Variants in CACNB1 observed in about 807,000 individuals in gnomAD.
CACNB1 encodes the protein voltage-dependent L-type calcium channel subunit beta-1.
CACNB1 carries 29 observed loss-of-function variants against 71.6 expected under a neutral mutation model. That is an observed-to-expected ratio of 0.40 (90% CI 0.30 to 0.55). The LOEUF is 0.55. CACNB1 is among the 20% of genes least tolerant of loss of function. The pLI, the probability that CACNB1 is intolerant of heterozygous loss-of-function variation, is 0.38. For missense variants in CACNB1, 623 were observed against 801.8 expected (o/e 0.78, Z 2.69); for synonymous variants, 300 against 319.6 (o/e 0.94, Z 0.65).
chr17:39,194,945 C>G lies in CACNB1; in HGVS notation c.110G>C (p.Arg37Pro). ...CGTGCTCCCATCTGACCGTTTGAAT[C>G]GCCCTTTCCTCTTGCTGTATTTGCC... ...PQGKYSKRKG[R>P]FKRSDGSTSS... Residue 37 changes from arginine to proline, a missense_variant, in exon 2 of 14, where the codon CGA becomes CCA. By Grantham distance (103) the Arg-to-Pro change is moderately radical. Coordinates refer to ENST00000394303, the MANE Select transcript of CACNB1 (RefSeq NM_000723.5). This position sits in a 1 kb window ranked among gnomAD's most constrained non-coding sequence, Gnocchi z 4.6. The G allele has an allele frequency of 6.2e-7, 1 of 1,613,052 alleles. No homozygotes were observed. The highest frequency in any genetic ancestry group is 8.5e-7 in the Non-Finnish European group (1 of 1,179,228).
chr17:39,182,605 G>C (rs111349030), intron 11 of CACNB1, among the ~76,000 whole-genome samples: 1 of 151,436 alleles, frequency 6.6e-6, no homozygotes, highest in African/African-American at 2.4e-5. Context: ...AGGAGGCTGA[G>C]GCAGGAGAAT....
chr17:39,180,231 C>T (rs1432700079), intron 11 of CACNB1, among the ~76,000 whole-genome samples: 1 of 151,226 alleles, frequency 6.6e-6, no homozygotes, highest in Non-Finnish European at 1.5e-5. Flanking sequence ...CACTGCACTC[C>T]AGCCTGGGCA....
chr17:39,180,438 T>A (rs976747428), intron 11 of CACNB1, among the ~76,000 whole-genome samples: 1 of 151,978 alleles, frequency 6.6e-6, no homozygotes, highest in African/African-American at 2.4e-5. Context: ...GTGGATCTTT[T>A]GAGGTCGGGA....
rs1302737630 is a variant in CACNB1, at chr17:39,183,705, G to C, written c.1050+8C>G. ...CTGTCCTGGCCAGGGTCAGGCTCCT[G>C]CACCCACCTTGGGAGAGGTGATCTT... On this transcript the variant is annotated splice_region_variant and intron_variant, in intron 11 of 13. Coordinates refer to ENST00000394303, the MANE Select transcript of CACNB1 (RefSeq NM_000723.5). 10 of 1,587,004 alleles carry C rather than the reference G, an allele frequency of 6.3e-6. No individual in the cohort carries two copies. The highest frequency in any genetic ancestry group is 1.8e-5 in the Admixed American group (1 of 55,928).
In CACNB1 at chr17:39,175,477, G is replaced by C; in HGVS notation, c.1513C>G (p.Pro505Ala). The change falls in exon 14 of 14, where the codon CCC becomes GCC. Residue 505 changes from proline to alanine, a missense_variant. By Grantham distance (27) the Pro-to-Ala change is conservative. Coordinates refer to ENST00000394303, the MANE Select transcript of CACNB1 (RefSeq NM_000723.5). This position sits in a 1 kb window ranked among gnomAD's most constrained non-coding sequence, Gnocchi z 4.7. ...GTGTAGGCAGAGTTTCGGCTGCCGG[G>C]GGTGTCGGCATCAAAAGTGTCTTGG... The part of the protein sequence containing the change: ...SRQDTFDADT[P>A]GSRNSAYTEL... 1 of 1,614,188 alleles carries C rather than the reference G, an allele frequency of 6.2e-7. No homozygotes were observed. Among genetic ancestry groups the C allele is most frequent in the Non-Finnish European group, 8.5e-7 (1 of 1,180,048 alleles).
intron 1 of CACNB1, among the ~76,000 whole-genome samples, chr17:39,196,732 C>G (rs977710390): frequency 6.6e-6 from 1 of 151,574 alleles, no homozygotes; most frequent in East Asian, 1.9e-4. Context: ...AGCTTCCCCC[C>G]CTCCTATGAG....
Position 39,186,406 on chromosome 17 carries a change from C to T in CACNB1, c.628+90G>A, listed in dbSNP as rs1180448307. ...TGGGGGACTCAGGATTGGGGTGTTT[C>T]CTACTGCAGGGAAAGGAGGATTCAG... On this transcript the variant is annotated intron_variant, in intron 6 of 13. Coordinates refer to ENST00000394303, the MANE Select transcript of CACNB1 (RefSeq NM_000723.5). This position sits in a 1 kb window ranked among gnomAD's most constrained non-coding sequence, Gnocchi z 4.1. 3.2e-6 allele frequency: 3 copies of T among 942,844 alleles called. No individual in the cohort carries two copies. In the Admixed American group the frequency reaches 6.8e-5, roughly 21 times the overall value. The allele number at this position is 942,844 out of a possible 1,614,324, so 58.4% of individuals were successfully genotyped here.
rs1014108142 is a variant in CACNB1, at chr17:39,175,798, G to T, written c.1333-141C>A. 14 of 666,728 alleles carry T rather than the reference G, an allele frequency of 2.1e-5. No homozygotes were observed. The Admixed American group carries it at 2.5e-4, about 12-fold the overall frequency. 41.3% of individuals were successfully genotyped at this position (666,728 alleles called of 1,614,324 possible). On this transcript the variant is annotated intron_variant, in intron 13 of 13. Transcript: ENST00000394303. This position sits in a 1 kb window ranked among gnomAD's most constrained non-coding sequence, Gnocchi z 4.7. Reference sequence around the variant, plus strand: ...CTGGCTCTAGAGGAGGGGCCCCGGGGACAAACGGCTCTGGAGCCCAGCCAG... The same window carrying T: ...CTGGCTCTAGAGGAGGGGCCCCGGGTACAAACGGCTCTGGAGCCCAGCCAG...
intron 11 of CACNB1, among the ~76,000 whole-genome samples, chr17:39,179,906 C>G (rs2045706650): frequency 6.7e-6 from 1 of 149,534 alleles, no homozygotes; most frequent in Non-Finnish European, 1.5e-5. Flanking sequence ...AAGACTCTGT[C>G]TAAAAAACAA....
Position 39,186,453 on chromosome 17 carries a change from C to T in CACNB1, c.628+43G>A, listed in dbSNP as rs767164707. 8 of 1,486,140 alleles carry T rather than the reference C, an allele frequency of 5.4e-6. No individual in the cohort carries two copies. The highest frequency in any genetic ancestry group is 6.5e-6 in the Non-Finnish European group (7 of 1,074,578). The allele number at this position is 1,486,140 out of a possible 1,614,324, so 92.1% of individuals were successfully genotyped here. On this transcript the variant is annotated intron_variant, in intron 6 of 13. Coordinates refer to ENST00000394303, the MANE Select transcript of CACNB1 (RefSeq NM_000723.5). The surrounding 1 kb of genome is among the most constrained non-coding windows in gnomAD (Gnocchi z 4.1). ...TCAGGGAGTGGGGAGACCACCCCAC[C>T]CAGGAGCTTCTTCCCAAACCCCTGC...
rs113407357 is a variant in CACNB1 at position 39,184,248 on chromosome 17, T to G, written c.788+77A>C. 1.0e-3 allele frequency: 1,334 copies of G among 1,295,224 alleles called. 10 individuals are homozygous for G. In the African/African-American group the frequency reaches 0.018, roughly 17 times the overall value. The allele number at this position is 1,295,224 out of a possible 1,614,324, so 80.2% of individuals were successfully genotyped here. A position where few individuals can be genotyped will look rare whatever the true frequency, so the allele number is the denominator to read the frequency against. ...TGTTCCTCAGTCCGAGTCCCAGGAT[T>G]GTGATTCGAGGCATCCTGCCCATCC... On this transcript the variant is annotated intron_variant, in intron 9 of 13. Transcript: ENST00000394303.
chr17:39,182,429 GGTA>G (rs1462509154), intron 11 of CACNB1, among the ~76,000 whole-genome samples: 2 of 151,756 alleles, frequency 1.3e-5, no homozygotes, highest in African/African-American at 4.8e-5. Context: ...GGCTGGGTGC[GGTA>G]GCTCACTCCT....
At chr17:39,177,573 T>TG (rs2045618250) in intron 12 of CACNB1, 38 bp from the exon 13 acceptor site, 7 of 1,532,052 alleles carry the variant, frequency 4.6e-6, no homozygotes, top group Non-Finnish European at 6.2e-6. Flanking sequence ...CTGGGATGAG[T>TG]GGGGCATGGC....
chr17:39,176,249 G>C (rs2045574872), intron 13 of CACNB1, among the ~76,000 whole-genome samples: 2 of 152,110 alleles, frequency 1.3e-5, no homozygotes, highest in Non-Finnish European at 2.9e-5. Flanking sequence ...GAAGGCTGCT[G>C]GGTCTCCCCC....
chr17:39,190,233 G>A (rs906585785), intron 3 of CACNB1, among the ~76,000 whole-genome samples: 2 of 152,018 alleles, frequency 1.3e-5, no homozygotes, highest in African/African-American at 2.4e-5. Context: ...ACCAGCCTGG[G>A]CAACATAGCA....
intron 2 of CACNB1, chr17:39,191,928 T>G: frequency 3.0e-6 from 1 of 331,352 alleles, no homozygotes; most frequent in Non-Finnish European, 5.5e-6. Flanking sequence ...CTACTCCCAC[T>G]GCTCCTTCCC....
rs1208687981 is a variant in CACNB1 at position 39,194,684 on chromosome 17, C to G, written c.171+200G>C. 6.6e-6 allele frequency among the ~76,000 whole-genome samples: 1 copy of G among 151,442 alleles called. No individual in the cohort carries two copies. The highest frequency in any genetic ancestry group is 1.5e-5 in the Non-Finnish European group (1 of 67,840). On this transcript the variant is annotated intron_variant, in intron 2 of 13. Coordinates refer to ENST00000394303, the MANE Select transcript of CACNB1 (RefSeq NM_000723.5). The surrounding 1 kb of genome is among the most constrained non-coding windows in gnomAD (Gnocchi z 4.6). ...GCCTGGTGCTGGGGGAGGGGCCGGG[C>G]AGGGGCGGGGGCTGAGCGAGTGGGT...
intron 4 of CACNB1, chr17:39,187,170 C>T: frequency 1.7e-6 from 1 of 602,460 alleles, no homozygotes; most frequent in Non-Finnish European, 2.9e-6. Context: ...TTCTGAGAGT[C>T]CTTCTCCCCA....
Position 39,177,391 on chromosome 17 carries a change from C to T in CACNB1, c.1291G>A (p.Ala431Thr), listed in dbSNP as rs1284854955. 1.2e-6 allele frequency: 2 copies of T among 1,613,174 alleles called. No homozygotes were observed. The highest frequency in any genetic ancestry group is 1.7e-6 in the Non-Finnish European group (2 of 1,179,738). Residue 431 changes from alanine (A) to threonine (T), a missense_variant, in exon 13 of 14, where the codon GCA becomes ACA. Ala to Thr is a moderately conservative substitution (Grantham distance 58, BLOSUM62 0). Transcript: ENST00000394303. ...GGGGCAGGGCTGGCAGCCAGGGCTG[C>T]GGTAGCCATGGTGCGGTTCAGCAGC... ...NPLLNRTMAT[A>T]ALAASPAPVS...
Sources: allele counts gnomAD v4.1 joint callset (sites outside exome capture counted in the v4.1 genomes callset), GRCh38; gene constraint gnomAD v4.1.1; non-coding constraint Gnocchi (gnomAD v3.1); transcripts MANE v1.5; gene names NCBI Gene and HGNC (gene_info 2026-07-23, HGNC 2026-07-21).